The following NSD2 variants were observed in gnomAD, a reference collection of about 807,000 sequenced individuals.
NSD2 encodes histone-lysine N-methyltransferase NSD2.
NSD2 carries 12 observed loss-of-function variants against 139.0 expected under a neutral mutation model. That is an observed-to-expected ratio of 0.09 (90% confidence interval 0.06 to 0.14). The LOEUF (loss-of-function observed/expected upper bound fraction) is 0.14. Among genes scored for constraint, NSD2 ranks in the 10% least tolerant of loss-of-function variants. NSD2 has a pLI of 1.00. For missense variants in NSD2, 1,155 were observed against 1,745.0 expected (o/e 0.66, Z 6.02); for synonymous variants, 669 against 648.7 (o/e 1.03, Z -0.48).
At chr4:1,940,984 A>T in intron 9 of NSD2, 1 of 1,058,250 alleles carries the variant, frequency 9.4e-7, no homozygotes, top group Non-Finnish European at 1.1e-6. Flanking sequence ...GGATGGTGGG[A>T]CTGGGGCTGC....
chr4:1,952,437 A>T (rs1172535525), intron 11 of NSD2, among the ~76,000 whole-genome samples: 1 of 152,100 alleles, frequency 6.6e-6, no homozygotes, highest in Non-Finnish European at 1.5e-5. Flanking sequence ...TTTCAGTCGT[A>T]TGTGCCCCCT....
intron 8 of NSD2, 61 bp downstream of exon 8, chr4:1,938,593 T>A: frequency 1.9e-6 from 1 of 515,360 alleles, no homozygotes; most frequent in Non-Finnish European, 3.7e-6. Context: ...GCTGGGTGGG[T>A]GGGCTGAGAG....
At chr4:1,966,656 C>CAAA (rs568684570) in intron 18 of NSD2, among the ~76,000 whole-genome samples, 5 of 63,138 alleles carry the variant, frequency 7.9e-5, no homozygotes, top group Non-Finnish European at 1.6e-4. Flanking sequence ...GACTCTGTCT[C>CAAA]AAAAAAAAAA....
chr4:1,929,436 T>C (rs951243373), intron 5 of NSD2, among the ~76,000 whole-genome samples: 6 of 152,050 alleles, frequency 3.9e-5, no homozygotes, highest in African/African-American at 1.2e-4. Flanking sequence ...GACAGTGCCT[T>C]CACTTGCCGA....
chr4:1,923,407 G>A (rs939302091), intron 5 of NSD2, among the ~76,000 whole-genome samples: 3 of 152,016 alleles, frequency 2.0e-5, no homozygotes, highest in Admixed American at 6.6e-5. Context: ...AAACAATTCT[G>A]AAGGAGAAGG....
At chr4:1,922,410 T>C (rs1385728044) in intron 5 of NSD2, among the ~76,000 whole-genome samples, 1 of 152,216 alleles carries the variant, frequency 6.6e-6, no homozygotes, top group East Asian at 1.9e-4. Context: ...AAATAACTGA[T>C]ATTTTAGCAG....
rs753675731 is a variant in NSD2 at position 1,974,763 on chromosome 4, G to A, written c.3373-100G>A. ...ACACCACGGTTTTCAGTACAACAAG[G>A]AACACAACTTGTTCAATGTGCTTTA... On this transcript the variant is annotated intron_variant, in intron 18 of 21. Coordinates refer to ENST00000508803, the MANE Select transcript of NSD2 (RefSeq NM_001042424.3). The surrounding 1 kb of genome is among the most constrained non-coding windows in gnomAD (Gnocchi z 4.0). 5 of 1,541,586 alleles carry A rather than the reference G, an allele frequency of 3.2e-6. No homozygotes were observed. The African/African-American group carries it at 5.4e-5, about 17-fold the overall frequency.
Position 1,955,378 on chromosome 4 carries a change from A to T in NSD2, c.2518+38A>T. 6.3e-7 allele frequency: 1 copy of T among 1,578,806 alleles called. No homozygotes were observed. Among genetic ancestry groups the T allele is most frequent in the Non-Finnish European group, 8.6e-7 (1 of 1,158,904 alleles). ...GGGGTGTCTGCGGCACACGCCTCTCACACTCCCAGGAGCCACATATCAAGG... is the reference window on the plus strand; with the variant it reads ...GGGGTGTCTGCGGCACACGCCTCTCTCACTCCCAGGAGCCACATATCAAGG... On this transcript the variant is annotated intron_variant, in intron 13 of 21. Coordinates refer to ENST00000508803, the MANE Select transcript of NSD2 (RefSeq NM_001042424.3). The surrounding 1 kb of genome is among the most constrained non-coding windows in gnomAD (Gnocchi z 4.7).
At chr4:1,915,254 T>C (rs1242511735) in intron 3 of NSD2, among the ~76,000 whole-genome samples, 4 of 151,636 alleles carry the variant, frequency 2.6e-5, no homozygotes, top group African/African-American at 9.7e-5. Context: ...TAGCTGAGGC[T>C]ACAGGCGCCC....
At chr4:1,940,421 T>A (rs1288706364) in intron 9 of NSD2, 3 of 1,063,532 alleles carry the variant, frequency 2.8e-6, no homozygotes, top group Non-Finnish European at 3.4e-6. Context: ...GCCATCATTG[T>A]AACATGACAC....
In NSD2 at chr4:1,928,809, A is replaced by G. The variant is rs535305495; in HGVS notation, c.1411-1817A>G. Reference sequence around the variant, plus strand: ...CTGTGTTTGAGGAGGTGAGAGGCAGATGTGTTGTGGATCCGAAGCCCTGTG... The same window carrying G: ...CTGTGTTTGAGGAGGTGAGAGGCAGGTGTGTTGTGGATCCGAAGCCCTGTG... On this transcript the variant is annotated intron_variant, in intron 5 of 21. Transcript: ENST00000508803. Among the ~76,000 whole-genome samples, 4 of 152,104 alleles carry G rather than the reference A, an allele frequency of 2.6e-5. No individual in the cohort carries two copies. In the South Asian group the frequency reaches 8.3e-4, roughly 32 times the overall value.
chr4:1,978,809 T>A lies in NSD2; in HGVS notation c.3998T>A (p.Val1333Asp). 6.2e-7 allele frequency: 1 copy of A among 1,611,660 alleles called. No individual in the cohort carries two copies. Among genetic ancestry groups the A allele is most frequent in the South Asian group, 1.1e-5 (1 of 90,850 alleles). Residue 1333 changes from valine to aspartate, a missense_variant, in exon 22 of 22, where the codon GTC becomes GAC. Physicochemically the swap from Val to Asp is radical, Grantham distance 152 (BLOSUM62 -3). Coordinates refer to ENST00000508803, the MANE Select transcript of NSD2 (RefSeq NM_001042424.3). ...GAGCATGACTTAGGGGCGGCATCGG[T>A]CAGAAGCACCAAGACTGAGAAGCCC... ...CCEHDLGAAS[V>D]RSTKTEKPPP...
intron 9 of NSD2, chr4:1,945,544 A>C (rs1002749066): frequency 1.9e-6 from 2 of 1,065,210 alleles, no homozygotes; most frequent in African/African-American, 1.6e-5. Flanking sequence ...GATGATAAGA[A>C]AGTGCTCCTG....
At chr4:1,943,174 C>T in intron 9 of NSD2, 1 of 1,041,870 alleles carries the variant, frequency 9.6e-7, no homozygotes, top group Non-Finnish European at 1.2e-6. Flanking sequence ...CGCATTTTTG[C>T]ATGGTAAGGA....
intron 2 of NSD2, among the ~76,000 whole-genome samples, chr4:1,903,777 C>G (rs1717513121): frequency 6.6e-6 from 1 of 150,820 alleles, no homozygotes; most frequent in East Asian, 1.9e-4. Flanking sequence ...CCCTGTCGCC[C>G]AGGCTGGAGT....
rs1577605183 is a variant in NSD2 at position 1,982,070 on chromosome 4, G to A, written c.*3161G>A. The A allele has an allele frequency of 2.5e-6, 1 of 397,404 alleles. No individual in the cohort carries two copies. Among genetic ancestry groups the A allele is most frequent in the East Asian group, 3.6e-5 (1 of 28,062 alleles). 24.6% of individuals were successfully genotyped at this position (397,404 alleles called of 1,614,324 possible). A position where few individuals can be genotyped will look rare whatever the true frequency, so the allele number is the denominator to read the frequency against. On this transcript the variant is annotated 3_prime_UTR_variant, in exon 22 of 22. Coordinates refer to ENST00000508803, the MANE Select transcript of NSD2 (RefSeq NM_001042424.3). ...AAAAACTTGAAATTCACTTTTTGGGGGGAGGGATATACTGAAATAGAGAGT... is the reference window on the plus strand; with the variant it reads ...AAAAACTTGAAATTCACTTTTTGGGAGGAGGGATATACTGAAATAGAGAGT...
intron 7 of NSD2, among the ~76,000 whole-genome samples, chr4:1,936,974 A>G (rs1722477089): frequency 6.6e-6 from 1 of 152,132 alleles, no homozygotes; most frequent in Admixed American, 6.5e-5. Flanking sequence ...GTTCAGCAGT[A>G]AGCTAGGTCA....
chr4:1,938,509 C>T lies in NSD2; in HGVS notation c.1733C>T (p.Ala578Val), dbSNP rs140182983. The T allele has an allele frequency of 1.2e-6, 2 of 1,603,958 alleles. No homozygotes were observed. Among genetic ancestry groups the T allele is most frequent in the Non-Finnish European group, 1.7e-6 (2 of 1,176,548 alleles). ...AGCTCTTACAAGGCCATGGAGGCAG[C>T]CTCCTCGCTCAAGAGCCAGGCAGGT... ...RTSSYKAMEA[A>V]SSLKSQAATK... is the part of the protein sequence containing the mutation. The change falls in exon 8 of 22, where the codon GCC becomes GTC. Residue 578 changes from alanine (A) to valine (V), a missense_variant. Physicochemically the swap from Ala to Val is moderately conservative, Grantham distance 64. Coordinates refer to ENST00000508803, the MANE Select transcript of NSD2 (RefSeq NM_001042424.3).
intron 17 of NSD2, among the ~76,000 whole-genome samples, chr4:1,960,767 G>A (rs1049052030): frequency 6.6e-5 from 10 of 152,206 alleles, no homozygotes; most frequent in African/African-American, 2.2e-4. Context: ...ATCAGACAGC[G>A]CTCCTGAGAC....
Sources: gnomAD v4.1 joint callset for allele counts (sites outside exome capture counted in the v4.1 genomes callset) on GRCh38, gnomAD v4.1.1 for gene constraint, Gnocchi (gnomAD v3.1) non-coding constraint, MANE v1.5 for transcripts, NCBI Gene and HGNC (gene_info 2026-07-23, HGNC 2026-07-21) for gene names.